The following ANK2 variants were observed in gnomAD, a reference collection of about 807,000 sequenced individuals.
The protein encoded by ANK2 is ankyrin-2.
A neutral mutation model predicts 360.5 loss-of-function variants in ANK2; 83 were observed. That is an observed-to-expected ratio of 0.23 (90% CI 0.19 to 0.28). The LOEUF (loss-of-function observed/expected upper bound fraction) is 0.28, where lower values mean the gene tolerates loss of function less well. Among genes scored for constraint, ANK2 ranks in the 10% least tolerant of loss-of-function variants. ANK2 has a pLI of 1.00. For missense variants in ANK2, 4,201 were observed against 4,795.7 expected (o/e 0.88, Z 3.66); for synonymous variants, 1,740 against 1,759.5 (o/e 0.99, Z 0.28).
chr4:113,174,018 A>G (rs1242878914), intron 1 of ANK2: 2 of 193,684 alleles, frequency 1.0e-5, no homozygotes, highest in East Asian at 1.5e-4. Flanking sequence ...TAATTTCTTT[A>G]GCTTTCTGAT....
chr4:113,339,338 A>G lies in ANK2; in HGVS notation c.3893+16A>G. ...TGTCTGCCAGGTATCGTTATATAGC[A>G]CAGAAAAGCCCACTATGATATGTTA... On this transcript the variant is annotated intron_variant, in intron 32 of 45. Transcript: ENST00000357077. 1 of 1,599,836 alleles carries G rather than the reference A, an allele frequency of 6.3e-7. No individual in the cohort carries two copies. Among genetic ancestry groups the G allele is most frequent in the Non-Finnish European group, 8.6e-7 (1 of 1,167,122 alleles).
At chr4:113,073,456 A>G (rs1435188508) in intron 1 of ANK2, among the ~76,000 whole-genome samples, 1 of 152,190 alleles carries the variant, frequency 6.6e-6, no homozygotes, top group Admixed American at 6.5e-5. Flanking sequence ...GGAGAAATCA[A>G]TCTACCTAGA....
Position 113,358,399 on chromosome 4 carries a change from C to G in ANK2, c.9781C>G (p.Leu3261Val). ...ACAAGTCCAGTTAGATTTTTCCACA[C>G]TCACCAGGTCTGTTTATTCAGATAG... ...AVQVQLDFST[L>V]TRSVYSDRGD... The change falls in exon 38 of 46, where the codon CTC (leucine) becomes GTC (valine). Residue 3261 changes from leucine (L) to valine (V), a missense_variant. Leu to Val is a conservative substitution (Grantham distance 32, BLOSUM62 1). This residue lies in a region of ANK2 where 2,642 missense variants were observed against 2,714.5 expected (regional missense o/e 0.97). Coordinates refer to ENST00000357077, the MANE Select transcript of ANK2 (RefSeq NM_001148.6). The G allele has an allele frequency of 2.5e-6, 4 of 1,614,120 alleles. No homozygotes were observed. Among genetic ancestry groups the G allele is most frequent in the Non-Finnish European group, 3.4e-6 (4 of 1,179,982 alleles).
chr4:113,358,217 T>C lies in ANK2; in HGVS notation c.9599T>C (p.Leu3200Pro). Reference sequence around the variant, plus strand: ...GAAATACCTGCTTCGGATGCTCAACTTAACTCCCAAATGGGGATTTCAGCC... The same window carrying C: ...GAAATACCTGCTTCGGATGCTCAACCTAACTCCCAAATGGGGATTTCAGCC... ...VEEIPASDAQ[L>P]NSQMGISAST... The change falls in exon 38 of 46, where the codon CTT (leucine) becomes CCT (proline). Residue 3200 changes from leucine to proline, a missense_variant. By Grantham distance (98) the Leu-to-Pro change is moderately conservative. Coordinates refer to ENST00000357077, the MANE Select transcript of ANK2 (RefSeq NM_001148.6). 1.2e-6 allele frequency: 2 copies of C among 1,614,098 alleles called. No homozygotes were observed. The highest frequency in any genetic ancestry group is 1.1e-5 in the South Asian group (1 of 91,080).
chr4:113,177,999 A>G (rs1452471116), intron 2 of ANK2, among the ~76,000 whole-genome samples: 1 of 152,246 alleles, frequency 6.6e-6, no homozygotes, highest in African/African-American at 2.4e-5. Context: ...ATTACTGTAT[A>G]TAATTCACCA....
At chr4:113,262,694 A>G (rs1451049733) in intron 13 of ANK2, among the ~76,000 whole-genome samples, 2 of 152,132 alleles carry the variant, frequency 1.3e-5, no homozygotes, top group Non-Finnish European at 2.9e-5. Flanking sequence ...GTACAGTATA[A>G]CAACTATATA....
At chr4:113,240,452 G>C in intron 7 of ANK2, 33 bp from the exon 8 acceptor site, 1 of 1,518,432 alleles carries the variant, frequency 6.6e-7, no homozygotes, top group Non-Finnish European at 9.1e-7. Flanking sequence ...AAAGTGAAGC[G>C]CTATACTGAC....
In ANK2 at chr4:113,355,273, A is replaced by G; in HGVS notation, c.6655A>G (p.Met2219Val). 1 of 1,614,072 alleles carries G rather than the reference A, an allele frequency of 6.2e-7. No homozygotes were observed. The highest frequency in any genetic ancestry group is 8.5e-7 in the Non-Finnish European group (1 of 1,179,972). Residue 2219 changes from methionine to valine, a missense_variant, in exon 38 of 46, where the codon ATG becomes GTG. By Grantham distance (21) the Met-to-Val change is conservative. Transcript: ENST00000357077. ...GVAGSPCGSL[M>V]EGTPQISSEE... is the part of the protein sequence containing the mutation. Reference sequence around the variant, plus strand: ...AGCCGGCTCTCCGTGTGGCAGCCTGATGGAGGGGACCCCTCAGATTAGTTC... The same window carrying G: ...AGCCGGCTCTCCGTGTGGCAGCCTGGTGGAGGGGACCCCTCAGATTAGTTC...
At chr4:112,846,662 A>G (rs541305309) in intron 1 of ANK2, among the ~76,000 whole-genome samples, 2 of 152,036 alleles carry the variant, frequency 1.3e-5, no homozygotes, top group Non-Finnish European at 2.9e-5. Context: ...GACATTGGCT[A>G]TTTATTATTG....
chr4:112,827,326 G>A, intron 1 of ANK2: 4 of 1,174,382 alleles, frequency 3.4e-6, no homozygotes, highest in Non-Finnish European at 5.1e-6. Context: ...AAAGCAGAAA[G>A]CCAATGAGTT....
At chr4:113,238,271 A>T (rs146798981) in intron 7 of ANK2, among the ~76,000 whole-genome samples, 1 of 152,170 alleles carries the variant, frequency 6.6e-6, no homozygotes, top group Non-Finnish European at 1.5e-5. Context: ...CTCCTTGGCC[A>T]TTGCTACAGA....
At chr4:112,881,434 TCAAA>T (rs2076664651) in intron 1 of ANK2, among the ~76,000 whole-genome samples, 1 of 152,208 alleles carries the variant, frequency 6.6e-6, no homozygotes, top group Non-Finnish European at 1.5e-5. Flanking sequence ...AGACCCTGTC[TCAAA>T]CAAACAAAAA....
intron 4 of ANK2, among the ~76,000 whole-genome samples, chr4:113,214,636 T>C (rs1179225197): frequency 6.6e-6 from 1 of 152,132 alleles, no homozygotes; most frequent in Admixed American, 6.5e-5. Flanking sequence ...CTGTAAAAAA[T>C]TTATTACTAA....
the ANK2 span, among the ~76,000 whole-genome samples, chr4:112,774,909 A>G: frequency 1.3e-5 from 2 of 152,230 alleles, no homozygotes; most frequent in Non-Finnish European, 2.9e-5. Flanking sequence ...TTGAAAAATA[A>G]TACTTGTGGG....
intron 2 of ANK2, among the ~76,000 whole-genome samples, chr4:112,975,958 T>C (rs11945962): frequency 0.34 from 52,194 of 152,026 alleles, 9,750 homozygotes; most frequent in African/African-American, 0.5. Flanking sequence ...AAAGCCTCAG[T>C]TGCCTAAGTA....
chr4:113,359,099 A>G lies in ANK2; in HGVS notation c.10481A>G (p.Gln3494Arg). The G allele has an allele frequency of 6.2e-7, 1 of 1,614,086 alleles. No homozygotes were observed. Among genetic ancestry groups the G allele is most frequent in the Non-Finnish European group, 8.5e-7 (1 of 1,179,946 alleles). The change falls in exon 38 of 46, where the codon CAG becomes CGG. Residue 3494 changes from glutamine (Q) to arginine (R), a missense_variant. By Grantham distance (43) the Gln-to-Arg change is conservative. Transcript: ENST00000357077. ...TCCAAATTAGTGGATAGGCTGACAC[A>G]GTCAGAGAGGGAGCAGGAAATAGTT... ...EASKLVDRLTQSEREQEIVSD... is the reference protein window; with the variant it reads ...EASKLVDRLTRSEREQEIVSD...
At chr4:112,877,603 T>A (rs1472431232) in intron 1 of ANK2, among the ~76,000 whole-genome samples, 1 of 152,148 alleles carries the variant, frequency 6.6e-6, no homozygotes, top group East Asian at 1.9e-4. Context: ...CCAGGACAAA[T>A]GAAAATGAAT....
intron 18 of ANK2, among the ~76,000 whole-genome samples, chr4:113,286,904 AT>A (rs2064921448): frequency 6.6e-6 from 1 of 152,206 alleles, no homozygotes; most frequent in African/African-American, 2.4e-5. Context: ...AGAGTGTGAC[AT>A]TGGCTGAATA....
chr4:112,907,915 T>C (rs1040867463), intron 2 of ANK2, among the ~76,000 whole-genome samples: 1 of 152,178 alleles, frequency 6.6e-6, no homozygotes, highest in Non-Finnish European at 1.5e-5. Context: ...GTAGAACTGT[T>C]CTTCGTTATC....
Sources: allele counts gnomAD v4.1 joint callset (sites outside exome capture counted in the v4.1 genomes callset), GRCh38; gene constraint gnomAD v4.1.1; regional missense constraint gnomAD v4.1.1; transcripts MANE v1.5; gene names NCBI Gene and HGNC (gene_info 2026-07-23, HGNC 2026-07-21).